MYH13: variants seen among roughly 807,000 people sequenced by gnomAD.
MYH13 encodes the protein myosin-13.
MYH13 carries 177 observed loss-of-function variants against 232.1 expected under a neutral mutation model. The observed-to-expected ratio is 0.76, with a 90% CI of 0.67 to 0.86. The LOEUF (loss-of-function observed/expected upper bound fraction) is 0.86. MYH13 is among the 40% of genes least tolerant of loss of function. The pLI is 0.00. For missense variants in MYH13, 2,246 were observed against 2,405.9 expected, an observed-to-expected ratio of 0.93 and a Z score of 1.39; for synonymous variants, 884 against 923.5, an observed-to-expected ratio of 0.96 and a Z score of 0.78.
At chr17:10,316,115 G>C in intron 27 of MYH13, 90 bp from the exon 28 acceptor site, 2 of 1,439,696 alleles carry the variant, frequency 1.4e-6, no homozygotes, top group South Asian at 1.3e-5. Context: ...TTAGTTTCTT[G>C]TCAGGTAAAA....
chr17:10,343,733 A>G, intron 16 of MYH13, 67 bp downstream of exon 16: 1 of 1,464,206 alleles, frequency 6.8e-7, no homozygotes, highest in Non-Finnish European at 9.1e-7. Context: ...GTTCTTCACA[A>G]GCAGCTCTGG....
chr17:10,345,637 T>A (rs376933812), intron 13 of MYH13, 21 bp from the exon 14 acceptor site: 7 of 1,614,032 alleles, frequency 4.3e-6, no homozygotes, highest in Middle Eastern at 1.6e-4. Flanking sequence ...GATCACCCAC[T>A]CAACCCTTGA....
intron 12 of MYH13, among the ~76,000 whole-genome samples, chr17:10,349,086 C>T (rs2071690045): frequency 1.8e-5 from 2 of 113,466 alleles, no homozygotes; most frequent in Non-Finnish European, 3.8e-5. Context: ...TTCTCCCCCT[C>T]TCTCTCTCTT....
rs1277316641 is a variant in MYH13, at chr17:10,345,367, G to A, written c.1419C>T (p.Asn473=). ...AGTTGATGCACAGCTGCTCCAGGCTGTTGAACTGGGTGATTCAAATACCAA... is the reference window on the plus strand; with the variant it reads ...AGTTGATGCACAGCTGCTCCAGGCTATTGAACTGGGTGATTCAAATACCAA... ...DIAGFEIFDF[N]SLEQLCINFT... is the part of the protein sequence containing the mutation. The change falls in exon 15 of 41, where the codon AAC becomes AAT. Residue 473 remains asparagine, a synonymous_variant. Transcript: ENST00000252172. 6 of 1,614,130 alleles carry A rather than the reference G, an allele frequency of 3.7e-6. No individual in the cohort carries two copies. The highest frequency in any genetic ancestry group is 5.1e-6 in the Non-Finnish European group (6 of 1,180,058).
At chr17:10,362,006 C>G in intron 5 of MYH13, 112 bp downstream of exon 5, 1 of 1,590,324 alleles carries the variant, frequency 6.3e-7, no homozygotes, top group Non-Finnish European at 8.6e-7. Context: ...AATCATCTGA[C>G]TCTCCGAAGA....
rs528456981 is a variant in MYH13 at position 10,312,221 on chromosome 17, C to G, written c.4366-145G>C. The G allele has an allele frequency of 2.4e-5, 21 of 886,502 alleles. No homozygotes were observed. The African/African-American group carries it at 3.5e-4, about 15-fold the overall frequency. The allele number at this position is 886,502 out of a possible 1,614,324, so 54.9% of individuals were successfully genotyped here. On this transcript the variant is annotated intron_variant, in intron 31 of 40. Transcript: ENST00000252172. Reference sequence around the variant, plus strand: ...AAGGAGGAGGAGCACTGTTCTAGATCAGGGACCCCAAACTGTGATATCCCT... The same window carrying G: ...AAGGAGGAGGAGCACTGTTCTAGATGAGGGACCCCAAACTGTGATATCCCT...
At chr17:10,366,228 C>T (rs1222765884) in intron 2 of MYH13, among the ~76,000 whole-genome samples, 1 of 151,922 alleles carries the variant, frequency 6.6e-6, no homozygotes, top group East Asian at 1.9e-4. Context: ...ACTCCACTAC[C>T]TATTTTCCTC....
chr17:10,365,202 G>C (rs891338003), intron 2 of MYH13, among the ~76,000 whole-genome samples: 11 of 152,198 alleles, frequency 7.2e-5, no homozygotes, highest in African/African-American at 2.7e-4. Context: ...ATCGCTCATC[G>C]TGTTTGAGCC....
rs1907089275 is a variant in MYH13 at position 10,323,792 on chromosome 17, AGAAGAAGAAGAAG to A, written c.2934+217_2934+229del. Among the ~76,000 whole-genome samples the A allele has an allele frequency of 5.0e-5, 3 of 59,558 alleles. No homozygotes were observed. In the East Asian group the frequency reaches 1.7e-3, roughly 33 times the overall value. 39.1% of individuals were successfully genotyped at this position (59,558 alleles called of 152,430 possible). On this transcript the variant is annotated intron_variant, in intron 23 of 40. Coordinates refer to ENST00000252172, the MANE Select transcript of MYH13 (RefSeq NM_003802.3). Reference sequence around the variant, plus strand: ...AAAAAAAAAAAAAAAAAAAAAAAGAAGAAGAAGAAGAAGAAGAAGAAGAAGAAGAAGAAGAAGA... The same window carrying A: ...AAAAAAAAAAAAAAAAAAAAAAAGAAAAGAAGAAGAAGAAGAAGAAGAAGA...
chr17:10,342,825 T>C (rs2142257211), intron 16 of MYH13, among the ~76,000 whole-genome samples: 1 of 152,048 alleles, frequency 6.6e-6, no homozygotes, highest in African/African-American at 2.4e-5. Flanking sequence ...GCATGATGGC[T>C]CGTGCCTATA....
chr17:10,356,738 A>G (rs1238802666), intron 8 of MYH13, among the ~76,000 whole-genome samples: 1 of 152,192 alleles, frequency 6.6e-6, no homozygotes, highest in Non-Finnish European at 1.5e-5. Flanking sequence ...AGACTATCCA[A>G]CTATTAAGAT....
Position 10,364,413 on chromosome 17 carries a change from C to T in MYH13, c.118G>A (p.Val40Ile). ...RPFDSKKACF[V>I]ADNKEMYVKG... is the part of the protein sequence containing the mutation. ...ACATACATTTCCTTATTATCCGCTA[C>T]AAAGCAGGCTTTCTTGGAATCGAAT... The change falls in exon 3 of 41, where the codon GTA becomes ATA. Residue 40 changes from valine (V) to isoleucine (I), a missense_variant. By Grantham distance (29) the Val-to-Ile change is conservative. Transcript: ENST00000252172. 1.2e-6 allele frequency: 2 copies of T among 1,613,830 alleles called. No homozygotes were observed. Among genetic ancestry groups the T allele is most frequent in the Non-Finnish European group, 1.7e-6 (2 of 1,179,808 alleles).
intron 23 of MYH13, among the ~76,000 whole-genome samples, chr17:10,322,392 G>A (rs1409045692): frequency 3.9e-5 from 6 of 152,174 alleles, no homozygotes; most frequent in Admixed American, 6.5e-5. Flanking sequence ...GCGAGACTCC[G>A]TCTCAAAAAT....
intron 12 of MYH13, among the ~76,000 whole-genome samples, chr17:10,347,373 A>T (rs1051114511): frequency 9.9e-5 from 15 of 152,160 alleles, no homozygotes; most frequent in Non-Finnish European, 2.1e-4. Context: ...CTCAAAAAAA[A>T]AATTAATTAA....
intron 18 of MYH13, among the ~76,000 whole-genome samples, chr17:10,336,078 G>T (rs1469282274): frequency 6.6e-6 from 1 of 152,120 alleles, no homozygotes; most frequent in Non-Finnish European, 1.5e-5. Context: ...GGGCACTGGG[G>T]GAGACTGAGG....
In MYH13 at chr17:10,350,703, A is replaced by G. The variant is rs759498048; in HGVS notation, c.1006-9T>C. 6.2e-7 allele frequency: 1 copy of G among 1,612,868 alleles called. No homozygotes were observed. The highest frequency in any genetic ancestry group is 8.5e-7 in the Non-Finnish European group (1 of 1,179,288). On this transcript the variant is annotated splice_polypyrimidine_tract_variant and intron_variant, in intron 11 of 40. Transcript: ENST00000252172. Reference sequence around the variant, plus strand: ...AGGATGTCAATGGCATTCTGGAAAGAAAAAAAGGACAACTGTCATAGCAGG... The same window carrying G: ...AGGATGTCAATGGCATTCTGGAAAGGAAAAAAGGACAACTGTCATAGCAGG...
chr17:10,338,999 C>A (rs2071599656), intron 18 of MYH13, among the ~76,000 whole-genome samples: 1 of 152,166 alleles, frequency 6.6e-6, no homozygotes, highest in African/African-American at 2.4e-5. Flanking sequence ...CTGTGCCCGG[C>A]CTATCCTTGT....
rs918855170 is a variant in MYH13, at chr17:10,338,710, G to GTTT, written c.2056+1437_2056+1439dup. Among the ~76,000 whole-genome samples the GTTT allele has an allele frequency of 1.6e-4, 18 of 109,556 alleles. No individual in the cohort carries two copies. The Admixed American group carries it at 1.7e-3, about 10-fold the overall frequency. The allele number at this position is 109,556 out of a possible 152,430, so 71.9% of individuals were successfully genotyped here. Reference sequence around the variant, plus strand: ...CCTTGTTTTTTTTTTTTTTTTGTTTGTTTTTTTTGAGACGGAGTTTCGCTC... The same window carrying GTTT: ...CCTTGTTTTTTTTTTTTTTTTGTTTGTTTTTTTTTTTGAGACGGAGTTTCGCTC... On this transcript the variant is annotated intron_variant, in intron 18 of 40. Coordinates refer to ENST00000252172, the MANE Select transcript of MYH13 (RefSeq NM_003802.3).
intron 15 of MYH13, 147 bp downstream of exon 15, chr17:10,345,055 C>A: frequency 1.6e-6 from 2 of 1,273,662 alleles, no homozygotes; most frequent in African/African-American, 1.5e-5. Flanking sequence ...GACATTCATT[C>A]TCTTTGCAAA....
Sources: allele counts gnomAD v4.1 joint callset (sites outside exome capture counted in the v4.1 genomes callset), GRCh38; gene constraint gnomAD v4.1.1; transcripts MANE v1.5; gene names NCBI Gene and HGNC (gene_info 2026-07-23, HGNC 2026-07-21).